The following C12orf75 variants were observed in gnomAD, a reference collection of about 807,000 sequenced individuals.
C12orf75 encodes the protein chromosome 12 open reading frame 75, also known as overexpressed in colon carcinoma 1 protein.
In C12orf75, 4 loss-of-function variants were observed where a neutral mutation model predicts 11.4. The observed-to-expected ratio is 0.35, with a 90% confidence interval of 0.17 to 0.80. The LOEUF is 0.80. Ranked by LOEUF, C12orf75 falls within the 30% of genes least tolerant of loss-of-function variation. C12orf75 has a pLI of 0.52. For missense variants in C12orf75, 89 were observed against 80.4 expected (o/e 1.11, Z -0.41); for synonymous variants, 30 against 30.0 (o/e 1.00, Z 0.00).
chr12:105,355,890 G>A (rs1249251156), intron 2 of C12orf75, among the ~76,000 whole-genome samples: 2 of 152,144 alleles, frequency 1.3e-5, no homozygotes, highest in African/African-American at 4.8e-5. Context: ...AGAGGACAGG[G>A]AATTTGCAGT....
chr12:105,358,018 T>A (rs1240756747), intron 2 of C12orf75, among the ~76,000 whole-genome samples: 1 of 152,046 alleles, frequency 6.6e-6, no homozygotes, highest in East Asian at 1.9e-4. Flanking sequence ...CTATTTTATT[T>A]TGTATTTTTT....
chr12:105,330,772 C>T lies in C12orf75; in HGVS notation c.-120C>T, dbSNP rs1205955906. 2.6e-5 allele frequency: 27 copies of T among 1,052,044 alleles called. No homozygotes were observed. In the East Asian group the frequency reaches 3.0e-4, roughly 12 times the overall value. 65.2% of individuals were successfully genotyped at this position (1,052,044 alleles called of 1,614,324 possible). A position where few individuals can be genotyped will look rare whatever the true frequency, so the allele number is the denominator to read the frequency against. On this transcript the variant is annotated 5_prime_UTR_variant, in exon 1 of 6. Transcript: ENST00000443585. Reference sequence around the variant, plus strand: ...GGGAGGGGGCGGCCCCCACTCGGTTCCTGGCCCCTCGCGGCCCCGTCAGCC... The same window carrying T: ...GGGAGGGGGCGGCCCCCACTCGGTTTCTGGCCCCTCGCGGCCCCGTCAGCC...
At chr12:105,353,190 A>G (rs1455007467) in intron 2 of C12orf75, among the ~76,000 whole-genome samples, 1 of 152,238 alleles carries the variant, frequency 6.6e-6, no homozygotes, top group Non-Finnish European at 1.5e-5. Context: ...CTGTAGTCAC[A>G]GCTGGATCCA....
At chr12:105,336,479 TAA>T (rs1254187372) in intron 1 of C12orf75, among the ~76,000 whole-genome samples, 1 of 152,144 alleles carries the variant, frequency 6.6e-6, no homozygotes, top group African/African-American at 2.4e-5. Flanking sequence ...TCGTATATTG[TAA>T]GTACCCAATA....
intron 1 of C12orf75, among the ~76,000 whole-genome samples, chr12:105,342,931 T>C (rs1892592199): frequency 6.6e-6 from 1 of 152,206 alleles, no homozygotes; most frequent in South Asian, 2.1e-4. Context: ...GACTGATGAA[T>C]AAAATGTTAA....
intron 2 of C12orf75, among the ~76,000 whole-genome samples, chr12:105,364,291 A>G (rs1002397100): frequency 6.6e-6 from 1 of 152,246 alleles, no homozygotes; most frequent in Non-Finnish European, 1.5e-5. Context: ...ATCAATAAGC[A>G]TAACACCATT....
intron 2 of C12orf75, among the ~76,000 whole-genome samples, chr12:105,350,177 T>G (rs1393244982): frequency 6.6e-6 from 1 of 152,244 alleles, no homozygotes; most frequent in Non-Finnish European, 1.5e-5. Flanking sequence ...GTTGCCAGAT[T>G]AATTTTCCTC....
intron 3 of C12orf75, chr12:105,366,193 C>A (rs1871468743): frequency 6.2e-6 from 2 of 324,600 alleles, no homozygotes; most frequent in Non-Finnish European, 1.1e-5. Flanking sequence ...TTCTCTCTTG[C>A]TGTCTCTGCC....
intron 1 of C12orf75, 84 bp downstream of exon 1, chr12:105,331,021 G>A: frequency 3.5e-6 from 3 of 863,204 alleles, no homozygotes; most frequent in Non-Finnish European, 4.6e-6. Flanking sequence ...TGGGTGGGGG[G>A]CGCGCAGCCC....
chr12:105,364,630 A>G (rs192490645), intron 2 of C12orf75, among the ~76,000 whole-genome samples: 1 of 152,320 alleles, frequency 6.6e-6, no homozygotes, highest in Admixed American at 6.5e-5. Context: ...AGAAGAGTCA[A>G]TGACATTTAG....
At chr12:105,341,296 G>A (rs952673709) in intron 1 of C12orf75, among the ~76,000 whole-genome samples, 3 of 152,070 alleles carry the variant, frequency 2.0e-5, no homozygotes, top group African/African-American at 7.2e-5. Context: ...AAGAATGTCT[G>A]AGAGGTTTTT....
Position 105,370,673 on chromosome 12 carries a change from G to A in C12orf75, c.*73G>A, listed in dbSNP as rs1200436774. ...TGGAAGGAATTTGGCTCCGTGGGACGTTGTAATGTGCACAGACATTTCCAA... is the reference window on the plus strand; with the variant it reads ...TGGAAGGAATTTGGCTCCGTGGGACATTGTAATGTGCACAGACATTTCCAA... On this transcript the variant is annotated 3_prime_UTR_variant, in exon 6 of 6. Coordinates refer to ENST00000443585, the MANE Select transcript of C12orf75 (RefSeq NM_001145199.2). The A allele has an allele frequency of 8.7e-6, 4 of 457,612 alleles. No homozygotes were observed. The highest frequency in any genetic ancestry group is 1.3e-5 in the Non-Finnish European group (3 of 226,808). The allele number at this position is 457,612 out of a possible 1,614,324, so 28.3% of individuals were successfully genotyped here. A position where few individuals can be genotyped will look rare whatever the true frequency, so the allele number is the denominator to read the frequency against.
intron 1 of C12orf75, among the ~76,000 whole-genome samples, chr12:105,340,009 G>A (rs1892547868): frequency 6.6e-6 from 1 of 152,146 alleles, no homozygotes; most frequent in South Asian, 2.1e-4. Context: ...GTTTGAATCT[G>A]TATAATACTG....
intron 5 of C12orf75, among the ~76,000 whole-genome samples, chr12:105,369,486 G>GA: frequency 6.6e-6 from 1 of 151,906 alleles, no homozygotes; most frequent in Admixed American, 6.5e-5. Flanking sequence ...TACATGTGCT[G>GA]AACGTGCAGG....
intron 3 of C12orf75, 46 bp from the exon 4 acceptor site, chr12:105,366,571 T>TAA (rs769033007): frequency 1.1e-6 from 1 of 939,788 alleles, no homozygotes; most frequent in Non-Finnish European, 1.6e-6. Context: ...TTGCTTCCTG[T>TAA]AAATAGATAG....
intron 2 of C12orf75, among the ~76,000 whole-genome samples, chr12:105,355,739 GA>G (rs894001817): frequency 9.9e-5 from 15 of 152,274 alleles, no homozygotes; most frequent in African/African-American, 3.6e-4. Flanking sequence ...TGCCAGCAAG[GA>G]AAAGCCAAAT....
chr12:105,360,793 T>C (rs1892852161), intron 2 of C12orf75, among the ~76,000 whole-genome samples: 1 of 152,062 alleles, frequency 6.6e-6, no homozygotes, highest in Non-Finnish European at 1.5e-5. Flanking sequence ...TTTTTTTTTG[T>C]GAGACCGAGT....
intron 2 of C12orf75, among the ~76,000 whole-genome samples, chr12:105,356,438 G>C (rs1385010725): frequency 1.2e-5 from 1 of 83,104 alleles, no homozygotes. Context: ...AAGACTACAG[G>C]CTTTTTTTTT....
At chr12:105,341,063 C>G (rs1892567305) in intron 1 of C12orf75, among the ~76,000 whole-genome samples, 3 of 152,202 alleles carry the variant, frequency 2.0e-5, no homozygotes, top group Admixed American at 2.0e-4. Context: ...TAATTTGTTA[C>G]AGCAGCCATG....
Sources: allele counts gnomAD v4.1 joint callset (sites outside exome capture counted in the v4.1 genomes callset), GRCh38; gene constraint gnomAD v4.1.1; transcripts MANE v1.5; gene names NCBI Gene and HGNC (gene_info 2026-07-23, HGNC 2026-07-21).